VPS13B: variants seen among roughly 807,000 people sequenced by gnomAD.
The protein encoded by VPS13B is intermembrane lipid transfer protein VPS13B.
VPS13B carries 285 observed loss-of-function variants against 426.4 expected under a neutral mutation model. The observed-to-expected ratio is 0.67, with a 90% confidence interval of 0.61 to 0.74. The LOEUF (loss-of-function observed/expected upper bound fraction) is 0.74. Among genes scored for constraint, VPS13B ranks in the 30% least tolerant of loss-of-function variants. The pLI is 0.00. For missense variants in VPS13B, 4,537 were observed against 4,782.6 expected, an observed-to-expected ratio of 0.95 and a Z score of 1.51; for synonymous variants, 1,676 against 1,676.4, an observed-to-expected ratio of 1.00 and a Z score of 0.01.
chr8:99,564,259 T>G (rs985826326), intron 31 of VPS13B, among the ~76,000 whole-genome samples: 1 of 152,182 alleles, frequency 6.6e-6, no homozygotes. Flanking sequence ...AGTAAGAGAT[T>G]CATTTTAGGC....
chr8:99,688,527 G>A (rs534165388), intron 35 of VPS13B, among the ~76,000 whole-genome samples: 18 of 152,174 alleles, frequency 1.2e-4, no homozygotes, highest in African/African-American at 4.1e-4. Flanking sequence ...CCACTTGGTG[G>A]ATTATAGAAC....
At chr8:99,313,982 A>T (rs1821167330) in intron 19 of VPS13B, among the ~76,000 whole-genome samples, 1 of 152,104 alleles carries the variant, frequency 6.6e-6, no homozygotes, top group Non-Finnish European at 1.5e-5. Context: ...ACGGGATATA[A>T]TCTCCTTGTG....
At chr8:99,015,215 A>ATTTTTT (rs35213007) in intron 2 of VPS13B, among the ~76,000 whole-genome samples, 1 of 127,906 alleles carries the variant, frequency 7.8e-6, no homozygotes, top group African/African-American at 2.9e-5. Flanking sequence ...TAACAGCTCA[A>ATTTTTT]TTTTTTTTTT....
intron 23 of VPS13B, among the ~76,000 whole-genome samples, chr8:99,457,628 C>A (rs1334273138): frequency 1.3e-5 from 2 of 150,152 alleles, no homozygotes; most frequent in South Asian, 2.1e-4. Context: ...TTTTTAATAG[C>A]TTTGTGTTTA....
chr8:99,227,120 A>G (rs755845288), intron 17 of VPS13B, among the ~76,000 whole-genome samples: 23 of 152,178 alleles, frequency 1.5e-4, no homozygotes, highest in Non-Finnish European at 3.1e-4. Context: ...TAGCTCTTAC[A>G]TATGACTGAG....
At chr8:99,458,252 A>AT (rs1446868898) in intron 23 of VPS13B, among the ~76,000 whole-genome samples, 1 of 151,992 alleles carries the variant, frequency 6.6e-6, no homozygotes, top group Non-Finnish European at 1.5e-5. Context: ...TGAACTCATC[A>AT]TTTTTTATGG....
chr8:99,741,462 C>T (rs1055903289), intron 39 of VPS13B, among the ~76,000 whole-genome samples: 1 of 152,188 alleles, frequency 6.6e-6, no homozygotes, highest in African/African-American at 2.4e-5. Flanking sequence ...CTCAGCTGTG[C>T]ACCAAGCGGA....
intron 17 of VPS13B, among the ~76,000 whole-genome samples, chr8:99,243,818 G>A (rs1432714930): frequency 6.6e-6 from 1 of 152,200 alleles, no homozygotes; most frequent in Non-Finnish European, 1.5e-5. Context: ...ATGCCCAGAT[G>A]TCTTTCAATA....
intron 22 of VPS13B, among the ~76,000 whole-genome samples, chr8:99,438,926 G>A (rs539424335): frequency 6.6e-6 from 1 of 152,250 alleles, no homozygotes; most frequent in South Asian, 2.1e-4. Flanking sequence ...CTCGCCTATA[G>A]GAGAGACTTG....
chr8:99,423,060 C>CT (rs1017495201), intron 21 of VPS13B, among the ~76,000 whole-genome samples: 10 of 151,980 alleles, frequency 6.6e-5, no homozygotes, highest in African/African-American at 2.4e-4. Context: ...TTAGCTGTTT[C>CT]TTTTTTGATG....
intron 19 of VPS13B, among the ~76,000 whole-genome samples, chr8:99,312,024 G>A (rs13279620): frequency 0.73 from 110,211 of 151,982 alleles, 40,613 homozygotes; most frequent in Middle Eastern, 0.83. Flanking sequence ...CTGTTTGCTT[G>A]GTAGATCTTC....
chr8:99,732,505 G>A (rs1342682625), intron 39 of VPS13B, among the ~76,000 whole-genome samples: 2 of 152,214 alleles, frequency 1.3e-5, no homozygotes. Context: ...GCCACACCAA[G>A]TTAAAAGGGA....
chr8:99,711,053 T>G (rs1339649180), intron 36 of VPS13B, among the ~76,000 whole-genome samples: 1 of 152,068 alleles, frequency 6.6e-6, no homozygotes, highest in Non-Finnish European at 1.5e-5. Flanking sequence ...ACTAATGTGT[T>G]TATTATTATG....
At chr8:99,406,467 A>G (rs1349750643) in intron 21 of VPS13B, among the ~76,000 whole-genome samples, 1 of 152,072 alleles carries the variant, frequency 6.6e-6, no homozygotes, top group African/African-American at 2.4e-5. Flanking sequence ...ATGTCCTATA[A>G]CTTTTCATAT....
intron 61 of VPS13B, among the ~76,000 whole-genome samples, chr8:99,874,349 TC>T (rs1817584844): frequency 6.6e-6 from 1 of 152,218 alleles, no homozygotes; most frequent in African/African-American, 2.4e-5. Flanking sequence ...GGACCGTTTT[TC>T]CCCAAGCTTA....
chr8:99,289,032 T>TATGA (rs147774364), intron 19 of VPS13B, among the ~76,000 whole-genome samples: 27,882 of 146,558 alleles, frequency 0.19, 3,012 homozygotes, highest in African/African-American at 0.29. Context: ...CCCCTGCCTC[T>TATGA]ATGAATGAAT....
chr8:99,194,507 C>A (rs1813788414), intron 17 of VPS13B, among the ~76,000 whole-genome samples: 1 of 152,158 alleles, frequency 6.6e-6, no homozygotes. Context: ...TTTTTAGATA[C>A]CACATTTAAG....
At chr8:99,550,964 A>C (rs1242407136) in intron 30 of VPS13B, among the ~76,000 whole-genome samples, 1 of 152,110 alleles carries the variant, frequency 6.6e-6, no homozygotes, top group African/African-American at 2.4e-5. Context: ...AGGTTGTCGG[A>C]TTTTATAAAT....
intron 17 of VPS13B, among the ~76,000 whole-genome samples, chr8:99,193,340 G>A (rs193096778): frequency 1.9e-4 from 29 of 152,196 alleles, no homozygotes; most frequent in Middle Eastern, 3.4e-3. Context: ...GGGTATCAAT[G>A]TATGTGTTTG....
Sources: allele counts gnomAD v4.1 joint callset (sites outside exome capture counted in the v4.1 genomes callset), GRCh38; gene constraint gnomAD v4.1.1; transcripts MANE v1.5; gene names NCBI Gene and HGNC (gene_info 2026-07-23, HGNC 2026-07-21).